The following CCDC127 variants were observed in gnomAD, a reference collection of about 807,000 sequenced individuals.
The protein encoded by CCDC127 is coiled-coil domain containing 127, also known as coiled-coil domain-containing protein 127.
In CCDC127, 2 loss-of-function variants were observed where a neutral mutation model predicts 4.1. The observed-to-expected ratio is 0.49, with a 90% CI of 0.20 to 1.53. The LOEUF is 1.53. CCDC127 is among the 40% of genes most tolerant of loss of function. The pLI, the probability that CCDC127 is intolerant of heterozygous loss-of-function variation, is 0.23. For synonymous variants in CCDC127, 98 were observed against 120.4 expected (o/e 0.81, Z 1.22); for missense variants, 271 against 322.9 (o/e 0.84, Z 1.23).
At position 198,822 on chromosome 5, in the gene CCDC127, T is replaced by C. The variant is rs902135175; in HGVS notation, c.*6475A>G. 4 of 152,280 alleles carry C rather than the reference T, an allele frequency of 2.6e-5. No individual in the cohort carries two copies. The highest frequency in any genetic ancestry group is 9.6e-5 in the African/African-American group (4 of 41,468). The allele number at this position is 152,280 out of a possible 1,614,324, so 9.4% of individuals were successfully genotyped here. A position where few individuals can be genotyped will look rare whatever the true frequency, so the allele number is the denominator to read the frequency against. ...CGTCTGCAGGGCCCAGGAGCACGCC[T>C]GCTGGGTTTTTATGGAGAGCACTTC... On this transcript the variant is annotated 3_prime_UTR_variant, in exon 3 of 3. Coordinates refer to ENST00000296824, the MANE Select transcript of CCDC127 (RefSeq NM_145265.3).
rs1185984122 is a variant in CCDC127 at position 215,771 on chromosome 5, G to C, written c.121+958C>G. ...TACACAAAATGTATCGCTACAACTAGAGGGCAGTTTTGCCTTTCTTCCATT... is the reference window on the plus strand; with the variant it reads ...TACACAAAATGTATCGCTACAACTACAGGGCAGTTTTGCCTTTCTTCCATT... On this transcript the variant is annotated intron_variant, in intron 2 of 2. Transcript: ENST00000296824. 3.3e-5 allele frequency: 5 copies of C among 152,202 alleles called. No individual in the cohort carries two copies. In the East Asian group the frequency reaches 7.7e-4, roughly 23 times the overall value. The allele number at this position is 152,202 out of a possible 1,614,324, so 9.4% of individuals were successfully genotyped here. A position where few individuals can be genotyped will look rare whatever the true frequency, so the allele number is the denominator to read the frequency against.
chr5:207,807 T>C (rs914102538), intron 2 of CCDC127, among the ~76,000 whole-genome samples: 5 of 151,862 alleles, frequency 3.3e-5, no homozygotes, highest in Admixed American at 6.6e-5. Flanking sequence ...CTGCGAGGGG[T>C]GGCGCCGAAT....
At chr5:217,554 G>A (rs1176802471) in intron 1 of CCDC127, among the ~76,000 whole-genome samples, 1 of 152,162 alleles carries the variant, frequency 6.6e-6, no homozygotes, top group Non-Finnish European at 1.5e-5. Flanking sequence ...AGGGTTTGAA[G>A]AGTGAGCAGC....
At chr5:217,441 C>T (rs1344503568) in intron 1 of CCDC127, among the ~76,000 whole-genome samples, 3 of 152,120 alleles carry the variant, frequency 2.0e-5, no homozygotes, top group Non-Finnish European at 4.4e-5. Flanking sequence ...CTCACGTCTC[C>T]CTTCTATTTG....
rs879287050 is a variant in CCDC127 at position 199,286 on chromosome 5, C to CCTGTGTGGTGGACGTGGCCCCT, written c.*5989_*6010dup. 1 of 157,890 alleles carries CCTGTGTGGTGGACGTGGCCCCT rather than the reference C, an allele frequency of 6.3e-6. No individual in the cohort carries two copies. Among genetic ancestry groups the CCTGTGTGGTGGACGTGGCCCCT allele is most frequent in the Non-Finnish European group, 1.4e-5 (1 of 72,206 alleles). 9.8% of individuals were successfully genotyped at this position (157,890 alleles called of 1,614,324 possible). On this transcript the variant is annotated 3_prime_UTR_variant, in exon 3 of 3. Coordinates refer to ENST00000296824, the MANE Select transcript of CCDC127 (RefSeq NM_145265.3). ...GGAGATATACGCAGGCCCAGTGGCC[C>CCTGTGTGGTGGACGTGGCCCCT]CTGTGTGGTGGACGTGGCCCCTCTG...
chr5:203,929 G>A lies in CCDC127; in HGVS notation c.*1368C>T, dbSNP rs972290361. On this transcript the variant is annotated 3_prime_UTR_variant, in exon 3 of 3. Transcript: ENST00000296824. ...GCCCTTGACTGACATCTGGGAACTC[G>A]GATTCTGGGAGACTTCCCAGCACCA... is the stretch of plus-strand genomic sequence containing the variant. 3.9e-5 allele frequency: 6 copies of A among 152,224 alleles called. No individual in the cohort carries two copies. The highest frequency in any genetic ancestry group is 6.5e-5 in the Admixed American group (1 of 15,282). 9.4% of individuals were successfully genotyped at this position (152,224 alleles called of 1,614,324 possible).
chr5:206,899 G>A (rs866312415), intron 2 of CCDC127, among the ~76,000 whole-genome samples: 2 of 152,122 alleles, frequency 1.3e-5, no homozygotes, highest in Non-Finnish European at 2.9e-5. Context: ...GCCACTGAGA[G>A]CAGCAGTCTG....
intron 2 of CCDC127, among the ~76,000 whole-genome samples, chr5:210,723 G>A (rs542732808): frequency 7.3e-6 from 1 of 136,964 alleles, no homozygotes; most frequent in South Asian, 2.6e-4. Context: ...CATCAGGATG[G>A]GGCAGACGGG....
intron 2 of CCDC127, among the ~76,000 whole-genome samples, chr5:208,421 C>T (rs1019158371): frequency 1.2e-4 from 19 of 152,248 alleles, no homozygotes; most frequent in African/African-American, 2.4e-4. Context: ...CAAAGGACCA[C>T]GATAGAGGCC....
chr5:217,096 A>G (rs1227233520), intron 1 of CCDC127: 1 of 322,680 alleles, frequency 3.1e-6, no homozygotes, highest in Non-Finnish European at 5.6e-6. Context: ...GCGCCACTGC[A>G]CTCCAGCCTG....
chr5:205,190 G>T lies in CCDC127; in HGVS notation c.*107C>A. ...TGGAGGTCGCTGCTGAAGGGTGACGGTGTGGCCATGACACGGGCAGCACGG... is the reference window on the plus strand; with the variant it reads ...TGGAGGTCGCTGCTGAAGGGTGACGTTGTGGCCATGACACGGGCAGCACGG... On this transcript the variant is annotated 3_prime_UTR_variant, in exon 3 of 3. Coordinates refer to ENST00000296824, the MANE Select transcript of CCDC127 (RefSeq NM_145265.3). The T allele has an allele frequency of 9.8e-7, 1 of 1,022,334 alleles. No individual in the cohort carries two copies. The highest frequency in any genetic ancestry group is 1.4e-6 in the Non-Finnish European group (1 of 692,372). The allele number at this position is 1,022,334 out of a possible 1,614,324, so 63.3% of individuals were successfully genotyped here.
In CCDC127 at chr5:201,914, G is replaced by C. The variant is rs1734083390; in HGVS notation, c.*3383C>G. On this transcript the variant is annotated 3_prime_UTR_variant, in exon 3 of 3. Coordinates refer to ENST00000296824, the MANE Select transcript of CCDC127 (RefSeq NM_145265.3). The stretch of plus-strand genomic sequence containing the variant: ...AAACTGGACCTGCTTCCGAAACCTA[G>C]GATCTCCCAGAGCTCCACTCCTTAC... 1 of 152,092 alleles carries C rather than the reference G, an allele frequency of 6.6e-6. No individual in the cohort carries two copies. Among genetic ancestry groups the C allele is most frequent in the African/African-American group, 2.4e-5 (1 of 41,400 alleles). The allele number at this position is 152,092 out of a possible 1,614,324, so 9.4% of individuals were successfully genotyped here.
In CCDC127 at chr5:205,263, G is replaced by A. The variant is rs189021201; in HGVS notation, c.*34C>T. 12 of 1,568,110 alleles carry A rather than the reference G, an allele frequency of 7.7e-6. No individual in the cohort carries two copies. The East Asian group carries it at 2.3e-4, about 29-fold the overall frequency. ...AGAAGGCGCATGACTGCCTGGCCTC[G>A]AGTCACTAAAAGCAGTTTGATTTCA... On this transcript the variant is annotated 3_prime_UTR_variant, in exon 3 of 3. Transcript: ENST00000296824.
chr5:202,799 T>C lies in CCDC127; in HGVS notation c.*2498A>G, dbSNP rs7736361. On this transcript the variant is annotated 3_prime_UTR_variant, in exon 3 of 3. Coordinates refer to ENST00000296824, the MANE Select transcript of CCDC127 (RefSeq NM_145265.3). ...TGTTTTCTTCATTTAAAGACAAACGTGGAGTGGTTCACACAGGGACACCCA... is the reference window on the plus strand; with the variant it reads ...TGTTTTCTTCATTTAAAGACAAACGCGGAGTGGTTCACACAGGGACACCCA... 0.74 allele frequency: 113,038 copies of C among 152,182 alleles called. 42,462 individuals are homozygous for C. Among genetic ancestry groups the C allele is most frequent in the African/African-American group, 0.79 (32,604 of 41,510 alleles). 9.4% of individuals were successfully genotyped at this position (152,182 alleles called of 1,614,324 possible). A position where few individuals can be genotyped will look rare whatever the true frequency, so the allele number is the denominator to read the frequency against.
At chr5:215,974 G>A (rs1197366803) in intron 2 of CCDC127, 1 of 150,732 alleles carries the variant, frequency 6.6e-6, no homozygotes, top group Non-Finnish European at 1.5e-5. Context: ...GAATTTTTCT[G>A]GCCAGGCCAA....
At chr5:206,910 G>C (rs1404780468) in intron 2 of CCDC127, among the ~76,000 whole-genome samples, 1 of 152,042 alleles carries the variant, frequency 6.6e-6, no homozygotes, top group African/African-American at 2.4e-5. Flanking sequence ...CAGCAGTCTG[G>C]GTTCCCTCGT....
chr5:213,917 A>C (rs189939330), intron 2 of CCDC127: 1 of 152,270 alleles, frequency 6.6e-6, no homozygotes, highest in South Asian at 2.1e-4. Context: ...AGCTTTATTC[A>C]TAACAGCTGA....
intron 1 of CCDC127, among the ~76,000 whole-genome samples, chr5:217,617 G>A (rs2126518649): frequency 6.6e-6 from 1 of 152,140 alleles, no homozygotes; most frequent in South Asian, 2.1e-4. Context: ...AAGGAAGACT[G>A]TGAGGAAGGC....
chr5:200,448 A>C lies in CCDC127; in HGVS notation c.*4849T>G, dbSNP rs1308292293. On this transcript the variant is annotated 3_prime_UTR_variant, in exon 3 of 3. Transcript: ENST00000296824. ...AGCAGGCCAGGCAGGGGGCAGGCTC[A>C]GGAGCTGTGGGAACCGCCCTGTCCC... 6.6e-6 allele frequency: 1 copy of C among 152,402 alleles called. No individual in the cohort carries two copies. The allele number at this position is 152,402 out of a possible 1,614,324, so 9.4% of individuals were successfully genotyped here.
Sources: gnomAD v4.1 joint callset for allele counts (sites outside exome capture counted in the v4.1 genomes callset) on GRCh38, gnomAD v4.1.1 for gene constraint, MANE v1.5 for transcripts, NCBI Gene and HGNC (gene_info 2026-07-23, HGNC 2026-07-21) for gene names.